Variants in POLR2B observed in about 807,000 individuals in gnomAD.
The protein encoded by POLR2B is RNA polymerase II subunit B.
A neutral mutation model predicts 144.6 loss-of-function variants in POLR2B; 57 were observed. That is an observed-to-expected ratio of 0.39 (90% CI 0.32 to 0.49). POLR2B has a LOEUF of 0.49. Ranked by LOEUF, POLR2B falls within the 20% of genes least tolerant of loss-of-function variation. POLR2B has a pLI of 0.83. For synonymous variants in POLR2B, 442 were observed against 469.8 expected (o/e 0.94, Z 0.77); for missense variants, 595 against 1,467.4 (o/e 0.41, Z 9.71).
chr4:56,994,548 A>G, intron 4 of POLR2B, 32 bp downstream of exon 4: 1 of 1,452,378 alleles, frequency 6.9e-7, no homozygotes, highest in Non-Finnish European at 9.7e-7. Flanking sequence ...TCAGCAGTAG[A>G]TACTGAAATA....
intron 10 of POLR2B, among the ~76,000 whole-genome samples, chr4:57,009,348 G>C (rs989580251): frequency 6.6e-6 from 1 of 152,172 alleles, no homozygotes; most frequent in African/African-American, 2.4e-5. Flanking sequence ...GGTGATGTCA[G>C]TGGAGTACAG....
At chr4:57,026,490 G>C (rs1017778347) in intron 23 of POLR2B, among the ~76,000 whole-genome samples, 11 of 152,114 alleles carry the variant, frequency 7.2e-5, no homozygotes, top group Non-Finnish European at 2.9e-5. Flanking sequence ...AACCCAAAAT[G>C]CTTTTGTTTT....
At chr4:57,020,809 A>C in intron 16 of POLR2B, 90 bp from the exon 17 acceptor site, 2 of 796,074 alleles carry the variant, frequency 2.5e-6, no homozygotes, top group Non-Finnish European at 4.5e-6. Flanking sequence ...ATTTATGGCA[A>C]ATATGATGTA....
intron 6 of POLR2B, among the ~76,000 whole-genome samples, chr4:56,998,524 A>T (rs2109669210): frequency 6.6e-6 from 1 of 151,820 alleles, no homozygotes; most frequent in Admixed American, 6.6e-5. Flanking sequence ...CCAGCCTAAA[A>T]TTTTAAAAAT....
At chr4:56,990,225 A>G (rs1485345192) in intron 2 of POLR2B, among the ~76,000 whole-genome samples, 1 of 150,686 alleles carries the variant, frequency 6.6e-6, no homozygotes, top group Non-Finnish European at 1.5e-5. Flanking sequence ...CATAAAGGGC[A>G]TAAAGTTTTT....
chr4:57,008,940 GA>G (rs958120197), intron 10 of POLR2B, among the ~76,000 whole-genome samples: 59 of 152,276 alleles, frequency 3.9e-4, no homozygotes, highest in African/African-American at 1.3e-3. Flanking sequence ...AGGAGGATGG[GA>G]ACCAGCTCAT....
chr4:57,017,075 A>T lies in POLR2B; in HGVS notation c.1988A>T (p.Glu663Val). ...GATCTTGTGGCCAGTGGGGTAGTGG[A>T]GTATATTGATACCCTGGAAGAAGAA... The part of the protein sequence containing the change: ...WQDLVASGVV[E>V]YIDTLEEETV... The change falls in exon 15 of 25, where the codon GAG (glutamate) becomes GTG (valine). Residue 663 changes from glutamate to valine, a missense_variant. This residue lies in a region of POLR2B where 59 missense variants were observed against 84.2 expected (regional missense o/e 0.70). Transcript: ENST00000314595. This position sits in a 1 kb window ranked among gnomAD's most constrained non-coding sequence, Gnocchi z 4.8. The T allele has an allele frequency of 6.2e-7, 1 of 1,611,958 alleles. No individual in the cohort carries two copies.
At chr4:56,985,380 C>A (rs547326665) in intron 1 of POLR2B, 15 of 985,096 alleles carry the variant, frequency 1.5e-5, no homozygotes, top group Non-Finnish European at 1.8e-5. Context: ...GAGGGACGGG[C>A]GGCGGGCTCG....
At chr4:57,000,539 T>C (rs1023389179) in intron 7 of POLR2B, among the ~76,000 whole-genome samples, 2 of 152,238 alleles carry the variant, frequency 1.3e-5, no homozygotes, top group Admixed American at 6.5e-5. Context: ...TCTTTCTATA[T>C]ATAACACATT....
intron 23 of POLR2B, among the ~76,000 whole-genome samples, chr4:57,025,778 C>T (rs1723697361): frequency 6.6e-6 from 1 of 151,962 alleles, no homozygotes; most frequent in East Asian, 1.9e-4. Flanking sequence ...AGTGGCATGC[C>T]CACAGCTCCC....
intron 6 of POLR2B, among the ~76,000 whole-genome samples, chr4:56,996,206 A>ATGTGTGTGTGTGTGTGTGTGTGTG (rs59059584): frequency 8.4e-4 from 97 of 115,298 alleles, no homozygotes; most frequent in Non-Finnish European, 1.1e-3. Context: ...ATTTCAGTTC[A>ATGTGTGTGTGTGTGTGTGTGTGTG]TGTGTGTGTG....
chr4:57,030,490 T>C lies in POLR2B; in HGVS notation c.3435+91T>C, dbSNP rs1247818492. 9.0e-6 allele frequency: 8 copies of C among 884,736 alleles called. No individual in the cohort carries two copies. The African/African-American group carries it at 1.3e-4, about 15-fold the overall frequency. The allele number at this position is 884,736 out of a possible 1,614,324, so 54.8% of individuals were successfully genotyped here. ...GGCAGAATTAGTGTGGCAGAACAGATTGGCATTTTCACAATTTTGATAGCA... is the reference window on the plus strand; with the variant it reads ...GGCAGAATTAGTGTGGCAGAACAGACTGGCATTTTCACAATTTTGATAGCA... On this transcript the variant is annotated intron_variant, in intron 24 of 24. Transcript: ENST00000314595.
chr4:57,010,044 T>G (rs184455323), intron 10 of POLR2B: 10 of 215,438 alleles, frequency 4.6e-5, no homozygotes, highest in Middle Eastern at 1.8e-3. Context: ...GAATGCCAAG[T>G]ACTGTTCTAG....
Position 57,023,700 on chromosome 4 carries a change from T to C in POLR2B, c.2805T>C (p.Phe935=), listed in dbSNP as rs1334762231. 3 of 1,613,460 alleles carry C rather than the reference T, an allele frequency of 1.9e-6. No homozygotes were observed. In the South Asian group the frequency reaches 3.3e-5, roughly 18 times the overall value. ...SVRIPQIGDK[F]ASRHGQKGTC... ...GGATTCCACAGATTGGAGACAAATT[T>C]GCTAGTCGACATGGTCAAAAGGGTA... is the stretch of plus-strand genomic sequence containing the variant. Residue 935 remains phenylalanine (F), a synonymous_variant, in exon 20 of 25, where the codon TTT becomes TTC. Coordinates refer to ENST00000314595, the MANE Select transcript of POLR2B (RefSeq NM_000938.3). The surrounding 1 kb of genome is among the most constrained non-coding windows in gnomAD (Gnocchi z 4.3).
chr4:57,025,254 A>G (rs1006932236), intron 22 of POLR2B, 123 bp from the exon 23 acceptor site: 7 of 784,494 alleles, frequency 8.9e-6, no homozygotes, highest in African/African-American at 3.5e-5. Context: ...CTTAATTGCT[A>G]ACATTATAGA....
At position 56,995,342 on chromosome 4, in the gene POLR2B, C is replaced by T. The variant is rs1722645756; in HGVS notation, c.668C>T (p.Ser223Leu). The stretch of plus-strand genomic sequence containing the variant: ...TATGCCTACACAGGAGAGTGTAGAT[C>T]ATGTCTTGAGAATTCTTCCCGACCC... Reference protein sequence around the residue: ...SKYAYTGECRSCLENSSRPTS... With the variant: ...SKYAYTGECRLCLENSSRPTS... Residue 223 changes from serine to leucine, a missense_variant, in exon 6 of 25, where the codon TCA becomes TTA. Physicochemically the swap from Ser to Leu is moderately radical, Grantham distance 145 (BLOSUM62 -2). Transcript: ENST00000314595. 6.2e-7 allele frequency: 1 copy of T among 1,610,948 alleles called. No individual in the cohort carries two copies. Among genetic ancestry groups the T allele is most frequent in the Non-Finnish European group, 8.5e-7 (1 of 1,177,886 alleles).
In POLR2B at chr4:57,010,406, C is replaced by T; in HGVS notation, c.1450C>T (p.Arg484Cys). ...TGCGTCTACTCTTTCTCACCTGCGT[C>T]GTTTAAATTCTCCTATTGGTAGAGA... is the stretch of plus-strand genomic sequence containing the variant. The part of the protein sequence containing the change: ...TFASTLSHLR[R>C]LNSPIGRDGK... The change falls in exon 11 of 25, where the codon CGT (arginine) becomes TGT (cysteine). Residue 484 changes from arginine (R) to cysteine (C), a missense_variant. Physicochemically the swap from Arg to Cys is radical, Grantham distance 180. Transcript: ENST00000314595. The T allele has an allele frequency of 1.9e-6, 3 of 1,613,876 alleles. No homozygotes were observed. Among genetic ancestry groups the T allele is most frequent in the Non-Finnish European group, 2.5e-6 (3 of 1,179,884 alleles).
intron 23 of POLR2B, among the ~76,000 whole-genome samples, chr4:57,028,096 A>G (rs1035547553): frequency 2.0e-5 from 3 of 152,194 alleles, no homozygotes; most frequent in Non-Finnish European, 4.4e-5. Flanking sequence ...TATCTACAAC[A>G]TCGTCAACTT....
rs374119045 is a variant in POLR2B, at chr4:56,979,421, T to A, written c.19+417T>A. On this transcript the variant is annotated intron_variant, in intron 1 of 24. Transcript: ENST00000314595. Reference sequence around the variant, plus strand: ...CAGGCAGTGTGGAAGGTCCTGGAAATATTCCGGGACAGAGAATATCGGGGG... The same window carrying A: ...CAGGCAGTGTGGAAGGTCCTGGAAAAATTCCGGGACAGAGAATATCGGGGG... 1.4e-4 allele frequency among the ~76,000 whole-genome samples: 18 copies of A among 125,646 alleles called. 1 individual carries two copies. The East Asian group carries it at 3.0e-3, about 21-fold the overall frequency. The allele number at this position is 125,646 out of a possible 152,430, so 82.4% of individuals were successfully genotyped here.
Sources: allele counts gnomAD v4.1 joint callset (sites outside exome capture counted in the v4.1 genomes callset), GRCh38; gene constraint gnomAD v4.1.1; regional missense constraint gnomAD v4.1.1; non-coding constraint Gnocchi (gnomAD v3.1); transcripts MANE v1.5; gene names NCBI Gene and HGNC (gene_info 2026-07-23, HGNC 2026-07-21).